The following PCSK6 variants were observed in gnomAD, a reference collection of about 807,000 sequenced individuals.
PCSK6 encodes the protein proprotein convertase subtilisin/kexin type 6.
A neutral mutation model predicts 123.3 loss-of-function variants in PCSK6; 85 were observed. That is an observed-to-expected ratio of 0.69 (90% CI 0.58 to 0.83). The LOEUF (loss-of-function observed/expected upper bound fraction) is 0.83. Ranked by LOEUF, PCSK6 falls within the 40% of genes least tolerant of loss-of-function variation. The pLI, the probability that PCSK6 is intolerant of heterozygous loss-of-function variation, is 0.00. For synonymous variants in PCSK6, 508 were observed against 516.0 expected (o/e 0.98, Z 0.21); for missense variants, 1,191 against 1,282.3 (o/e 0.93, Z 1.09).
rs56844456 is a variant in PCSK6, at chr15:101,352,137, ATTTT to A, written c.1858+14055_1858+14058del. Among the ~76,000 whole-genome samples, 766 of 96,988 alleles carry A rather than the reference ATTTT, an allele frequency of 7.9e-3. 6 individuals are homozygous for A. The highest frequency in any genetic ancestry group is 0.032 in the African/African-American group (741 of 22,878). 63.6% of individuals were successfully genotyped at this position (96,988 alleles called of 152,430 possible). ...AAAATATTTTATAAATATTTTTCTA[ATTTT>A]TTTTTTTTTTTTTTTTTTTTTTTAC... On this transcript the variant is annotated intron_variant, in intron 13 of 21. Transcript: ENST00000611716.
At chr15:101,403,612 C>A (rs573323809) in intron 6 of PCSK6, among the ~76,000 whole-genome samples, 2 of 152,102 alleles carry the variant, frequency 1.3e-5, no homozygotes, top group African/African-American at 4.8e-5. Context: ...AGAACAAGAA[C>A]GTGACCCACT....
intron 20 of PCSK6, 187 bp downstream of exon 20, chr15:101,313,189 A>G (rs2039908227): frequency 1.3e-6 from 2 of 1,520,720 alleles, no homozygotes; most frequent in South Asian, 2.5e-5. Context: ...CAGGGACCCA[A>G]CAAATATGCA....
At chr15:101,321,147 C>G (rs2040113890) in intron 18 of PCSK6, among the ~76,000 whole-genome samples, 1 of 152,250 alleles carries the variant, frequency 6.6e-6, no homozygotes, top group Admixed American at 6.5e-5. Context: ...CCTGCAGAGC[C>G]TGGGACATCA....
intron 2 of PCSK6, among the ~76,000 whole-genome samples, chr15:101,434,130 A>G (rs2056528572): frequency 6.6e-6 from 1 of 152,236 alleles, no homozygotes; most frequent in Non-Finnish European, 1.5e-5. Flanking sequence ...CCCATATATT[A>G]CTGCCTGAAC....
At chr15:101,458,312 C>T (rs962828267) in intron 1 of PCSK6, among the ~76,000 whole-genome samples, 1 of 152,220 alleles carries the variant, frequency 6.6e-6, no homozygotes, top group Admixed American at 6.5e-5. Context: ...GGGTTTGAGT[C>T]TCTGCAGCAG....
intron 20 of PCSK6, among the ~76,000 whole-genome samples, chr15:101,310,814 T>A (rs911078568): frequency 7.2e-5 from 11 of 152,184 alleles, no homozygotes; most frequent in Non-Finnish European, 1.6e-4. Context: ...GACCCCACTG[T>A]GTGGTGAATC....
chr15:101,331,482 C>G (rs1287944800), intron 15 of PCSK6, among the ~76,000 whole-genome samples, 169 bp downstream of exon 15: 1 of 152,130 alleles, frequency 6.6e-6, no homozygotes, highest in East Asian at 1.9e-4. Flanking sequence ...AGTGGATGTA[C>G]TTGAGGGAGT....
At chr15:101,404,330 C>T (rs909171234) in intron 6 of PCSK6, among the ~76,000 whole-genome samples, 3 of 152,214 alleles carry the variant, frequency 2.0e-5, no homozygotes, top group Non-Finnish European at 4.4e-5. Flanking sequence ...GCTGTGGCAT[C>T]AGCTCACTGT....
chr15:101,352,137 A>ATTTTTTTTTT (rs56844456), intron 13 of PCSK6, among the ~76,000 whole-genome samples: 1 of 97,012 alleles, frequency 1.0e-5, no homozygotes, highest in Non-Finnish European at 1.9e-5. Flanking sequence ...TATTTTTCTA[A>ATTTTTTTTTT]TTTTTTTTTT....
chr15:101,367,035 C>A (rs1004743966), intron 12 of PCSK6, among the ~76,000 whole-genome samples: 1 of 152,116 alleles, frequency 6.6e-6, no homozygotes. Flanking sequence ...ATGGGAGGGG[C>A]CCGTGGAGAG....
At chr15:101,391,075 C>T (rs2042221472) in intron 8 of PCSK6, among the ~76,000 whole-genome samples, 1 of 152,174 alleles carries the variant, frequency 6.6e-6, no homozygotes. Context: ...GTGTCACACA[C>T]AGGAAGATGT....
intron 15 of PCSK6, among the ~76,000 whole-genome samples, chr15:101,328,855 G>C (rs2040315339): frequency 6.6e-6 from 1 of 152,184 alleles, no homozygotes; most frequent in Admixed American, 6.5e-5. Context: ...AAATATCCAG[G>C]TTCCTCTCGC....
At chr15:101,350,332 C>A (rs1264583192) in intron 13 of PCSK6, among the ~76,000 whole-genome samples, 2 of 152,066 alleles carry the variant, frequency 1.3e-5, no homozygotes, top group Non-Finnish European at 2.9e-5. Context: ...TTAAATATTT[C>A]TTAGTGATCT....
intron 11 of PCSK6, among the ~76,000 whole-genome samples, chr15:101,377,165 C>T (rs1360076759): frequency 1.3e-5 from 2 of 152,266 alleles, no homozygotes; most frequent in Admixed American, 1.3e-4. Context: ...GCTTGCCCAG[C>T]TGACCTGCCG....
intron 2 of PCSK6, among the ~76,000 whole-genome samples, chr15:101,440,001 C>G (rs988859172): frequency 6.6e-6 from 1 of 152,166 alleles, no homozygotes; most frequent in Non-Finnish European, 1.5e-5. Context: ...CTGGAAGACA[C>G]AGGCAGCAAC....
At position 101,313,359 on chromosome 15, in the gene PCSK6, C is replaced by T. The variant is rs760407392; in HGVS notation, c.2699+17G>A. 20 of 1,612,598 alleles carry T rather than the reference C, an allele frequency of 1.2e-5. No individual in the cohort carries two copies. Among genetic ancestry groups the T allele is most frequent in the South Asian group, 3.3e-5 (3 of 91,086 alleles). ...CTGGACACAGCTGCCTGCCGTTCCCCGCCAGGAGGACCGTACCTTCGACAC... is the reference window on the plus strand; with the variant it reads ...CTGGACACAGCTGCCTGCCGTTCCCTGCCAGGAGGACCGTACCTTCGACAC... On this transcript the variant is annotated intron_variant, in intron 20 of 21. Coordinates refer to ENST00000611716, the MANE Select transcript of PCSK6 (RefSeq NM_002570.5).
intron 9 of PCSK6, among the ~76,000 whole-genome samples, chr15:101,386,319 C>T (rs1232136572): frequency 2.0e-5 from 3 of 152,172 alleles, no homozygotes; most frequent in Admixed American, 6.5e-5. Context: ...ATGTCACAGG[C>T]GTCTCTCCAG....
chr15:101,366,283 C>G lies in PCSK6; in HGVS notation c.1771G>C (p.Val591Leu). The G allele has an allele frequency of 6.2e-7, 1 of 1,613,584 alleles. No homozygotes were observed. Among genetic ancestry groups the G allele is most frequent in the Non-Finnish European group, 8.5e-7 (1 of 1,179,678 alleles). Residue 591 changes from valine (V) to leucine (L), a missense_variant, in exon 13 of 22, where the codon GTC becomes CTC. Val to Leu is a conservative substitution (Grantham distance 32, BLOSUM62 1). Coordinates refer to ENST00000611716, the MANE Select transcript of PCSK6 (RefSeq NM_002570.5). Reference protein sequence around the residue: ...EGFTNWEFMTVHCWGEKAEGQ... With the variant: ...EGFTNWEFMTLHCWGEKAEGQ... ...TCAGCCTTTTCTCCCCAGCAGTGGA[C>G]AGTCATGAATTCCCAGTTTGTAAAC...
intron 11 of PCSK6, among the ~76,000 whole-genome samples, chr15:101,380,628 C>T (rs2041888577): frequency 6.6e-6 from 1 of 152,196 alleles, no homozygotes; most frequent in Admixed American, 6.5e-5. Flanking sequence ...TGCAATTAGC[C>T]ACGGGAGAAA....
Sources: gnomAD v4.1 joint callset for allele counts (sites outside exome capture counted in the v4.1 genomes callset) on GRCh38, gnomAD v4.1.1 for gene constraint, MANE v1.5 for transcripts, NCBI Gene and HGNC (gene_info 2026-07-23, HGNC 2026-07-21) for gene names.